The following ZMYM2 variants were observed in gnomAD, a reference collection of about 807,000 sequenced individuals.
ZMYM2 encodes the protein zinc finger MYM-type protein 2.
Under a neutral mutation model 162.8 loss-of-function variants are expected in ZMYM2, and 56 were observed. The observed-to-expected ratio is 0.34, with a 90% CI of 0.28 to 0.43. The LOEUF (loss-of-function observed/expected upper bound fraction) is 0.43. Ranked by LOEUF, ZMYM2 falls within the 20% of genes least tolerant of loss-of-function variation. The pLI, the probability that ZMYM2 is intolerant of heterozygous loss-of-function variation, is 1.00. For synonymous variants in ZMYM2, 510 were observed against 541.6 expected, an observed-to-expected ratio of 0.94 and a Z score of 0.81; for missense variants, 1,275 against 1,621.8, an observed-to-expected ratio of 0.79 and a Z score of 3.67.
the ZMYM2 span, among the ~76,000 whole-genome samples, chr13:19,871,487 TC>T: frequency 9.9e-5 from 15 of 152,104 alleles, no homozygotes; most frequent in Non-Finnish European, 2.1e-4. Flanking sequence ...AGTAGCCAAC[TC>T]CTGTGCTCAA....
At chr13:19,948,356 C>T in the ZMYM2 span, among the ~76,000 whole-genome samples, 4 of 152,086 alleles carry the variant, frequency 2.6e-5, no homozygotes, top group South Asian at 2.1e-4. Context: ...CCAAGATATC[C>T]GTCAGTAGGT....
chr13:19,963,146 A>C (rs1197518086), intron 2 of ZMYM2, among the ~76,000 whole-genome samples: 1 of 151,964 alleles, frequency 6.6e-6, no homozygotes, highest in African/African-American at 2.4e-5. Context: ...CCTGCATGTG[A>C]TTTTTTTAGC....
intron 6 of ZMYM2, among the ~76,000 whole-genome samples, chr13:20,009,011 A>G (rs60485844): frequency 0.1 from 15,200 of 152,192 alleles, 1,243 homozygotes; most frequent in African/African-American, 0.22. Context: ...CCAGGGAAAA[A>G]ATACCCAATT....
At chr13:20,034,470 A>G (rs879003421) in intron 11 of ZMYM2, 66 bp downstream of exon 11, 53 of 1,371,028 alleles carry the variant, frequency 3.9e-5, no homozygotes, top group African/African-American at 4.5e-5. Context: ...CCAAAATAAT[A>G]TATCCAGAGT....
At chr13:20,080,409 CTTTT>C (rs1957831290) in intron 21 of ZMYM2, among the ~76,000 whole-genome samples, 1 of 151,418 alleles carries the variant, frequency 6.6e-6, no homozygotes, top group South Asian at 2.1e-4. Flanking sequence ...CTTATCTGTT[CTTTT>C]ATTTAAAATA....
At chr13:19,985,569 C>T (rs1949065285) in intron 2 of ZMYM2, among the ~76,000 whole-genome samples, 1 of 151,984 alleles carries the variant, frequency 6.6e-6, no homozygotes, top group South Asian at 2.1e-4. Flanking sequence ...TGGCCAGGCA[C>T]AGTGGCGCCT....
intron 12 of ZMYM2, among the ~76,000 whole-genome samples, chr13:20,043,813 A>G (rs1292392804): frequency 1.3e-5 from 2 of 151,820 alleles, no homozygotes; most frequent in African/African-American, 4.8e-5. Context: ...TGGCAAAGGG[A>G]TGTGGGAAGT....
At chr13:20,046,563 AAATAT>A (rs1954804875) in intron 12 of ZMYM2, among the ~76,000 whole-genome samples, 1 of 12,880 alleles carries the variant, frequency 7.8e-5, no homozygotes, top group African/African-American at 1.1e-4. Flanking sequence ...CTAAAAAAAA[AAATAT>A]ATATATATAT....
the ZMYM2 span, among the ~76,000 whole-genome samples, chr13:19,910,821 G>A: frequency 8.5e-5 from 13 of 152,230 alleles, no homozygotes; most frequent in South Asian, 4.1e-4. Flanking sequence ...GGTGGATGTG[G>A]TTACTGTAAT....
At chr13:20,066,545 GAA>G (rs949587777) in intron 19 of ZMYM2, 33 of 230,100 alleles carry the variant, frequency 1.4e-4, no homozygotes, top group African/African-American at 7.4e-4. Flanking sequence ...ATATGGGAGA[GAA>G]AATATATTTA....
intron 21 of ZMYM2, among the ~76,000 whole-genome samples, chr13:20,075,524 T>G (rs1221555563): frequency 8.5e-5 from 13 of 152,188 alleles, no homozygotes; most frequent in Admixed American, 8.5e-4. Flanking sequence ...TCACATAATA[T>G]GAAAATGTTT....
Position 20,019,638 on chromosome 13 carries a change from G to A in ZMYM2, c.1584+20G>A, listed in dbSNP as rs1215149300. ...CCTGAGGTAAGCAGGAATGTAAATGGAGTTCAAGGCCTTAACATTTTTGAG... is the reference window on the plus strand; with the variant it reads ...CCTGAGGTAAGCAGGAATGTAAATGAAGTTCAAGGCCTTAACATTTTTGAG... On this transcript the variant is annotated intron_variant, in intron 7 of 24. Coordinates refer to ENST00000610343, the MANE Select transcript of ZMYM2 (RefSeq NM_197968.4). 1.9e-6 allele frequency: 3 copies of A among 1,575,806 alleles called. No individual in the cohort carries two copies. The highest frequency in any genetic ancestry group is 3.7e-5 in the Admixed American group (2 of 54,510).
chr13:20,083,145 C>A lies in ZMYM2; in HGVS notation c.3820+113C>A. On this transcript the variant is annotated intron_variant, in intron 23 of 24. Coordinates refer to ENST00000610343, the MANE Select transcript of ZMYM2 (RefSeq NM_197968.4). Reference sequence around the variant, plus strand: ...TGGTGCAGTCTCGGCTCACCGCAACCTCTACCTCCTGGGTTCAAGCAATTC... The same window carrying A: ...TGGTGCAGTCTCGGCTCACCGCAACATCTACCTCCTGGGTTCAAGCAATTC... 3 of 1,160,796 alleles carry A rather than the reference C, an allele frequency of 2.6e-6. 1 individual carries two copies. Among genetic ancestry groups the A allele is most frequent in the Non-Finnish European group, 3.6e-6 (3 of 841,654 alleles). The allele number at this position is 1,160,796 out of a possible 1,614,324, so 71.9% of individuals were successfully genotyped here.
At chr13:20,067,911 C>A (rs1355450838) in intron 21 of ZMYM2, among the ~76,000 whole-genome samples, 1 of 152,170 alleles carries the variant, frequency 6.6e-6, no homozygotes, top group Non-Finnish European at 1.5e-5. Flanking sequence ...GAATCTCCAA[C>A]TTGACATTCT....
intron 5 of ZMYM2, among the ~76,000 whole-genome samples, chr13:20,005,842 C>T (rs1206793474): frequency 6.6e-6 from 1 of 152,038 alleles, no homozygotes; most frequent in Non-Finnish European, 1.5e-5. Flanking sequence ...CTTCTGATAC[C>T]TCTAGAGAAG....
At chr13:20,055,938 A>C (rs1245504063) in intron 14 of ZMYM2, among the ~76,000 whole-genome samples, 1 of 152,204 alleles carries the variant, frequency 6.6e-6, no homozygotes, top group East Asian at 1.9e-4. Context: ...AAAGTGTTGA[A>C]GTTGAGGCGA....
At chr13:19,863,979 GGCCCGGGGCTCTCCGGGACCTACACA>G in the ZMYM2 span, 1 of 152,216 alleles carries the variant, frequency 6.6e-6, no homozygotes, top group Non-Finnish European at 1.5e-5. Flanking sequence ...GGCCCCTCGG[GGCCCGGGGCTCTCCGGGACCTACACA>G]GCCCGGGAGA....
the ZMYM2 span, among the ~76,000 whole-genome samples, chr13:19,945,071 T>G: frequency 6.6e-6 from 1 of 152,196 alleles, no homozygotes; most frequent in African/African-American, 2.4e-5. Context: ...GAGACTATTA[T>G]AAAGAACTAC....
chr13:20,078,806 G>A (rs868119853), intron 21 of ZMYM2, among the ~76,000 whole-genome samples: 1 of 151,788 alleles, frequency 6.6e-6, no homozygotes, highest in Admixed American at 6.6e-5. Flanking sequence ...GGATATATTG[G>A]GTTAAGTAAA....
Sources: allele counts gnomAD v4.1 joint callset (sites outside exome capture counted in the v4.1 genomes callset), GRCh38; gene constraint gnomAD v4.1.1; transcripts MANE v1.5; gene names NCBI Gene and HGNC (gene_info 2026-07-23, HGNC 2026-07-21).